Variants in MCTP2 observed in about 807,000 individuals in gnomAD.
MCTP2 encodes multiple C2 and transmembrane domain-containing protein 2.
Under a neutral mutation model 111.6 loss-of-function variants are expected in MCTP2, and 132 were observed. That is an observed-to-expected ratio of 1.18 (90% CI 1.03 to 1.37). The LOEUF (loss-of-function observed/expected upper bound fraction) is 1.37, where lower values mean the gene tolerates loss of function less well. MCTP2 is among the 40% of genes most tolerant of loss of function. The probability of loss-of-function intolerance (pLI) is 0.00; values close to 1 mark genes in which losing one functional copy is unlikely to be tolerated. For missense variants in MCTP2, 1,183 were observed against 1,067.9 expected, an observed-to-expected ratio of 1.11 and a Z score of -1.50; for synonymous variants, 395 against 387.7, an observed-to-expected ratio of 1.02 and a Z score of -0.22.
chr15:94,311,368 G>T (rs2076133749), intron 2 of MCTP2, among the ~76,000 whole-genome samples: 1 of 151,932 alleles, frequency 6.6e-6, no homozygotes, highest in African/African-American at 2.4e-5. Flanking sequence ...GGTATTCTGG[G>T]GTATTCCTGA....
rs2072871668 is a variant in MCTP2 at position 94,257,566 on chromosome 15, GTTGTTTTTTT to G, written c.-66+25905_-66+25914del. ...AAAAATATTTGTTGTCATTTTCTTTGTTGTTTTTTTTTTTTTTTTTTTTTTTTTTTTTTTT... is the reference window on the plus strand; with the variant it reads ...AAAAATATTTGTTGTCATTTTCTTTGTTTTTTTTTTTTTTTTTTTTTTTTT... On this transcript the variant is annotated intron_variant, in intron 1 of 22. Transcript: ENST00000357742. 2.9e-4 allele frequency among the ~76,000 whole-genome samples: 21 copies of G among 73,002 alleles called. 1 individual carries two copies. Among genetic ancestry groups the G allele is most frequent in the Admixed American group, 4.8e-4 (3 of 6,186 alleles). The allele number at this position is 73,002 out of a possible 152,430, so 47.9% of individuals were successfully genotyped here.
chr15:94,242,986 C>T (rs1289117404), intron 1 of MCTP2, among the ~76,000 whole-genome samples: 1 of 81,884 alleles, frequency 1.2e-5, no homozygotes, highest in South Asian at 3.9e-4. Flanking sequence ...TACACATACA[C>T]GTGTATATGT....
At chr15:94,250,643 ATC>A (rs2072349294) in intron 1 of MCTP2, among the ~76,000 whole-genome samples, 1 of 152,208 alleles carries the variant, frequency 6.6e-6, no homozygotes, top group African/African-American at 2.4e-5. Context: ...AGCAGTCTTT[ATC>A]TCTGTTATAT....
chr15:94,317,415 T>C (rs1321221507), intron 4 of MCTP2, among the ~76,000 whole-genome samples: 1 of 152,182 alleles, frequency 6.6e-6, no homozygotes, highest in East Asian at 1.9e-4. Context: ...CTCCTGGTTA[T>C]CACCTGCCAC....
At chr15:94,443,049 T>A in intron 19 of MCTP2, 89 bp downstream of exon 19, 4 of 503,984 alleles carry the variant, frequency 7.9e-6, no homozygotes, top group Non-Finnish European at 1.2e-5. Flanking sequence ...TCTCCTCTCT[T>A]TTTTTTTTTT....
chr15:94,278,745 C>T (rs1400377719), intron 1 of MCTP2, among the ~76,000 whole-genome samples: 1 of 150,294 alleles, frequency 6.7e-6, no homozygotes, highest in Non-Finnish European at 1.5e-5. Flanking sequence ...CTCAAGTAGG[C>T]CGTGGTGTCT....
chr15:94,426,031 A>C (rs2082872540), intron 17 of MCTP2, among the ~76,000 whole-genome samples: 1 of 151,940 alleles, frequency 6.6e-6, no homozygotes, highest in Admixed American at 6.6e-5. Flanking sequence ...TTATTGCTCC[A>C]TGGAAGGCAA....
At chr15:94,397,485 C>T (rs2081338108) in intron 14 of MCTP2, among the ~76,000 whole-genome samples, 1 of 152,170 alleles carries the variant, frequency 6.6e-6, no homozygotes, top group Non-Finnish European at 1.5e-5. Context: ...CTTTAACATC[C>T]ACAATTTATT....
intron 1 of MCTP2, among the ~76,000 whole-genome samples, chr15:94,272,386 CA>C (rs2073951857): frequency 6.6e-6 from 1 of 152,280 alleles, no homozygotes; most frequent in Admixed American, 6.5e-5. Flanking sequence ...GCCAGAGAAG[CA>C]CGTGCGTTTA....
chr15:94,372,083 T>C (rs1315605815), intron 12 of MCTP2, among the ~76,000 whole-genome samples: 1 of 152,224 alleles, frequency 6.6e-6, no homozygotes, highest in Non-Finnish European at 1.5e-5. Context: ...TTCATCTTGT[T>C]GTTTTATGTT....
In MCTP2 at chr15:94,470,343, T is replaced by TGGAC; in HGVS notation, c.2374_2377dup (p.Val793AspfsTer36). On this transcript the variant is annotated frameshift_variant, in exon 21 of 23. Transcript: ENST00000357742. LOFTEE classifies it high-confidence loss of function. ...GTGGTTTGTCTACAGCACATTTAAC[T>TGGAC]GGACGGTCCCCTTCCTTTCATCTCT... 1 of 1,612,658 alleles carries TGGAC rather than the reference T, an allele frequency of 6.2e-7. No individual in the cohort carries two copies. The highest frequency in any genetic ancestry group is 8.5e-7 in the Non-Finnish European group (1 of 1,178,626).
intron 4 of MCTP2, among the ~76,000 whole-genome samples, chr15:94,328,321 G>C (rs1345483639): frequency 6.6e-6 from 1 of 151,722 alleles, no homozygotes; most frequent in East Asian, 1.9e-4. Flanking sequence ...GTAGAGACGG[G>C]GTTTCACTGT....
At chr15:94,324,310 A>G (rs1351206309) in intron 4 of MCTP2, among the ~76,000 whole-genome samples, 1 of 152,258 alleles carries the variant, frequency 6.6e-6, no homozygotes, top group African/African-American at 2.4e-5. Flanking sequence ...GTGGAAAACA[A>G]TAGCCCTCGC....
intron 2 of MCTP2, among the ~76,000 whole-genome samples, chr15:94,312,039 A>G (rs973639582): frequency 7.2e-5 from 11 of 152,146 alleles, no homozygotes; most frequent in Admixed American, 3.9e-4. Context: ...GTGGATCCCA[A>G]TAGTTTTGTG....
chr15:94,376,875 G>C (rs1003199649), intron 12 of MCTP2, among the ~76,000 whole-genome samples: 1 of 152,164 alleles, frequency 6.6e-6, no homozygotes, highest in African/African-American at 2.4e-5. Flanking sequence ...TTTTGATAAT[G>C]TGGATAATAG....
At chr15:94,468,098 G>GAATATAT (rs1404464174) in intron 20 of MCTP2, among the ~76,000 whole-genome samples, 1 of 152,162 alleles carries the variant, frequency 6.6e-6, no homozygotes, top group African/African-American at 2.4e-5. Flanking sequence ...CAAACTGAAA[G>GAATATAT]AATATATAAT....
At chr15:94,456,385 G>A (rs192282587) in intron 19 of MCTP2, among the ~76,000 whole-genome samples, 4 of 152,352 alleles carry the variant, frequency 2.6e-5, no homozygotes, top group Non-Finnish European at 2.9e-5. Context: ...ATGGAAACTT[G>A]AGTCATTTTC....
chr15:94,285,199 G>A (rs1198316674), intron 1 of MCTP2, among the ~76,000 whole-genome samples: 1 of 152,234 alleles, frequency 6.6e-6, no homozygotes, highest in African/African-American at 2.4e-5. Context: ...TCCTGCATCA[G>A]TGAGTTTGAC....
rs539409779 is a variant in MCTP2, at chr15:94,333,042, C to T, written c.638-6248C>T. ...GCGAGGTCAGGAATCCGAGACCAGCCCGGCCAACGTGGTGAAACCTCGGCT... is the reference window on the plus strand; with the variant it reads ...GCGAGGTCAGGAATCCGAGACCAGCTCGGCCAACGTGGTGAAACCTCGGCT... On this transcript the variant is annotated intron_variant, in intron 4 of 22. Coordinates refer to ENST00000357742, the MANE Select transcript of MCTP2 (RefSeq NM_001385001.1). Among the ~76,000 whole-genome samples the T allele has an allele frequency of 7.2e-5, 11 of 152,284 alleles. No homozygotes were observed. The East Asian group carries it at 2.1e-3, about 29-fold the overall frequency.
Sources: gnomAD v4.1 joint callset for allele counts (sites outside exome capture counted in the v4.1 genomes callset) on GRCh38, gnomAD v4.1.1 for gene constraint, MANE v1.5 for transcripts, NCBI Gene and HGNC (gene_info 2026-07-23, HGNC 2026-07-21) for gene names.